The following KCNC2 variants were observed in gnomAD, a reference collection of about 807,000 sequenced individuals.
KCNC2 encodes the protein voltage-gated potassium channel KCNC2.
KCNC2 carries 21 observed loss-of-function variants against 44.5 expected under a neutral mutation model. The ratio of observed to expected loss-of-function variants is 0.47; its 90% CI spans 0.33 to 0.68. The LOEUF (loss-of-function observed/expected upper bound fraction) is 0.68, where lower values mean the gene tolerates loss of function less well. KCNC2 is among the 30% of genes least tolerant of loss of function. The pLI, the probability that KCNC2 is intolerant of heterozygous loss-of-function variation, is 0.01. For synonymous variants in KCNC2, 391 were observed against 339.1 expected (o/e 1.15, Z -1.68); for missense variants, 589 against 826.2 (o/e 0.71, Z 3.52).
At chr12:75,187,266 A>G (rs773130261) in intron 2 of KCNC2, among the ~76,000 whole-genome samples, 15 of 152,238 alleles carry the variant, frequency 9.9e-5, no homozygotes, top group Non-Finnish European at 2.1e-4. Flanking sequence ...TTTATGAGCA[A>G]TATCTCAAAG....
At chr12:75,199,692 A>T (rs716955) in intron 2 of KCNC2, among the ~76,000 whole-genome samples, 29,367 of 151,774 alleles carry the variant, frequency 0.19, 3,141 homozygotes, top group Middle Eastern at 0.29. Flanking sequence ...TCAATTCACC[A>T]GTCATCCCTG....
chr12:75,074,067 A>G (rs1411149189), intron 2 of KCNC2, among the ~76,000 whole-genome samples: 1 of 152,156 alleles, frequency 6.6e-6, no homozygotes, highest in African/African-American at 2.4e-5. Flanking sequence ...TAAAAAGAAT[A>G]ATAAATAAAA....
chr12:75,189,018 G>A (rs1249433684), intron 2 of KCNC2, among the ~76,000 whole-genome samples: 1 of 152,168 alleles, frequency 6.6e-6, no homozygotes, highest in Admixed American at 6.5e-5. Context: ...GTTAAGAGTT[G>A]ATGATCATAG....
chr12:75,170,358 G>A (rs1470208817), intron 2 of KCNC2, among the ~76,000 whole-genome samples: 1 of 151,636 alleles, frequency 6.6e-6, no homozygotes, highest in African/African-American at 2.4e-5. Context: ...AATGTACCAA[G>A]AGGAAGACAG....
At chr12:75,108,620 C>T (rs1886978417) in intron 2 of KCNC2, among the ~76,000 whole-genome samples, 2 of 152,304 alleles carry the variant, frequency 1.3e-5, no homozygotes, top group Non-Finnish European at 1.5e-5. Flanking sequence ...TCCAAAACAG[C>T]TGTTGAATTT....
At chr12:75,053,690 G>C (rs1189077982) in intron 2 of KCNC2, among the ~76,000 whole-genome samples, 1 of 149,470 alleles carries the variant, frequency 6.7e-6, no homozygotes, top group Non-Finnish European at 1.5e-5. Flanking sequence ...TACCAAAGTT[G>C]ATTCCATTTT....
chr12:75,178,046 A>C (rs900527048), intron 2 of KCNC2, among the ~76,000 whole-genome samples: 1 of 152,012 alleles, frequency 6.6e-6, no homozygotes, highest in African/African-American at 2.4e-5. Context: ...TCTCTTTTTG[A>C]ATATGGAATG....
rs1393238645 is a variant in KCNC2 at position 75,041,279 on chromosome 12, T to C, written c.*1826A>G. 1 of 1,556,314 alleles carries C rather than the reference T, an allele frequency of 6.4e-7. No homozygotes were observed. Among genetic ancestry groups the C allele is most frequent in the Non-Finnish European group, 8.6e-7 (1 of 1,156,304 alleles). The stretch of plus-strand genomic sequence containing the variant: ...ATAAATTTGTGTGTAATTATAATGT[T>C]CTATGTGTGGTGTTATCAAAAGAAT... On this transcript the variant is annotated 3_prime_UTR_variant, in exon 5 of 5. Coordinates refer to ENST00000549446, the MANE Select transcript of KCNC2 (RefSeq NM_139137.4).
intron 2 of KCNC2, among the ~76,000 whole-genome samples, chr12:75,099,133 T>C (rs1407622439): frequency 6.6e-6 from 1 of 152,222 alleles, no homozygotes; most frequent in Non-Finnish European, 1.5e-5. Flanking sequence ...CTATTATTTA[T>C]GCAATTGTAA....
At chr12:75,043,869 T>A in intron 4 of KCNC2, 8 of 1,055,988 alleles carry the variant, frequency 7.6e-6, no homozygotes, top group Non-Finnish European at 1.1e-5. Context: ...ATAAATTAAG[T>A]CATAATTTCA....
intron 2 of KCNC2, among the ~76,000 whole-genome samples, chr12:75,156,937 T>C (rs1180102724): frequency 6.6e-6 from 1 of 151,822 alleles, no homozygotes; most frequent in African/African-American, 2.4e-5. Flanking sequence ...TAACTAACAC[T>C]GGGTAAAGTG....
intron 2 of KCNC2, among the ~76,000 whole-genome samples, chr12:75,196,797 T>TA (rs56921144): frequency 0.31 from 46,744 of 151,886 alleles, 7,369 homozygotes; most frequent in Middle Eastern, 0.41. Flanking sequence ...GACATGCAAT[T>TA]AAAAAACAAC....
At chr12:75,096,149 T>C (rs557909276) in intron 2 of KCNC2, among the ~76,000 whole-genome samples, 379 of 152,114 alleles carry the variant, frequency 2.5e-3, no homozygotes, top group Middle Eastern at 6.8e-3. Context: ...ACTTACATTA[T>C]GCCACTTTCA....
At chr12:75,077,687 G>C (rs976461023) in intron 2 of KCNC2, among the ~76,000 whole-genome samples, 4 of 150,560 alleles carry the variant, frequency 2.7e-5, no homozygotes, top group Non-Finnish European at 4.4e-5. Flanking sequence ...TTAGAAGAGA[G>C]ACCTAAGCAA....
Position 75,207,251 on chromosome 12 carries a change from T to G in KCNC2, c.687+46A>C. The G allele has an allele frequency of 1.3e-6, 2 of 1,501,634 alleles. No homozygotes were observed. The highest frequency in any genetic ancestry group is 1.3e-5 in the South Asian group (1 of 77,218). 93.0% of individuals were successfully genotyped at this position (1,501,634 alleles called of 1,614,324 possible). On this transcript the variant is annotated intron_variant, in intron 2 of 4. Coordinates refer to ENST00000549446, the MANE Select transcript of KCNC2 (RefSeq NM_139137.4). The surrounding 1 kb of genome is among the most constrained non-coding windows in gnomAD (Gnocchi z 4.1). ...AAAGAACAGAAAGTTGGGGAGGGAG[T>G]TGGGAGAAGTTGAAGCAGCAGGGAA...
At position 75,041,065 on chromosome 12, in the gene KCNC2, C is replaced by T. The variant is rs772803706; in HGVS notation, c.*2040G>A. The T allele has an allele frequency of 3.9e-6, 6 of 1,550,386 alleles. No homozygotes were observed. Among genetic ancestry groups the T allele is most frequent in the South Asian group, 2.2e-5 (2 of 90,060 alleles). On this transcript the variant is annotated 3_prime_UTR_variant, in exon 5 of 5. Coordinates refer to ENST00000549446, the MANE Select transcript of KCNC2 (RefSeq NM_139137.4). ...AAGCTTTAAGTGCCTCATGAAGACG[C>T]GAGGATCTCTTCCAAGTGCAACCTG...
At chr12:75,048,343 C>T (rs551264515) in intron 3 of KCNC2, 26 bp from the exon 4 acceptor site, 15 of 1,581,776 alleles carry the variant, frequency 9.5e-6, no homozygotes, top group Non-Finnish European at 1.2e-5. Context: ...TGCCCATTGA[C>T]AGACAGTGAT....
At chr12:75,162,306 T>C (rs74523997) in intron 2 of KCNC2, among the ~76,000 whole-genome samples, 2,562 of 151,858 alleles carry the variant, frequency 0.017, 68 homozygotes, top group African/African-American at 0.058. Context: ...ATAAATTATT[T>C]AGGCTATATG....
chr12:75,142,441 G>C (rs1187763510), intron 2 of KCNC2, among the ~76,000 whole-genome samples: 1 of 152,196 alleles, frequency 6.6e-6, no homozygotes, highest in African/African-American at 2.4e-5. Context: ...TCTTGAGTAA[G>C]TGGTGTCACT....
Sources: gnomAD v4.1 joint callset for allele counts (sites outside exome capture counted in the v4.1 genomes callset) on GRCh38, gnomAD v4.1.1 for gene constraint, Gnocchi (gnomAD v3.1) non-coding constraint, MANE v1.5 for transcripts, NCBI Gene and HGNC (gene_info 2026-07-23, HGNC 2026-07-21) for gene names.